The following SESN1 variants were observed in gnomAD, a reference collection of about 807,000 sequenced individuals.
The protein encoded by SESN1 is sestrin 1.
SESN1 carries 30 observed loss-of-function variants against 59.3 expected under a neutral mutation model. The ratio of observed to expected loss-of-function variants is 0.51; its 90% CI spans 0.38 to 0.69. SESN1 has a LOEUF of 0.69. SESN1 is among the 30% of genes least tolerant of loss of function. SESN1 has a pLI of 0.00. For missense variants in SESN1, 566 were observed against 673.0 expected (o/e 0.84, Z 1.76); for synonymous variants, 197 against 219.9 (o/e 0.90, Z 0.92).
intron 9 of SESN1, 36 bp from the exon 10 acceptor site, chr6:108,987,666 T>C: frequency 8.7e-7 from 1 of 1,152,310 alleles, no homozygotes; most frequent in African/African-American, 1.5e-5. Context: ...AAGGAAGGGT[T>C]ACAAGCATTC....
In SESN1 at chr6:109,090,904, G is replaced by C. The variant is rs557079186; in HGVS notation, c.279+2891C>G. Among the ~76,000 whole-genome samples the C allele has an allele frequency of 3.2e-3, 487 of 152,192 alleles. 3 individuals are homozygous for C. The highest frequency in any genetic ancestry group is 4.4e-3 in the Non-Finnish European group (302 of 68,002). ...CCTGCCTTAGCCTCCTGAATAGCTG[G>C]TACTACAGGTGTGCTCCACTGCACC... On this transcript the variant is annotated intron_variant, in intron 1 of 9. Transcript: ENST00000436639.
chr6:108,994,437 T>C, intron 6 of SESN1, 25 bp downstream of exon 6: 1 of 1,565,576 alleles, frequency 6.4e-7, no homozygotes. Context: ...AATAATTATA[T>C]TGACTATATA....
chr6:108,996,462 T>C (rs547984245), intron 5 of SESN1, among the ~76,000 whole-genome samples: 1 of 152,322 alleles, frequency 6.6e-6, no homozygotes, highest in South Asian at 2.1e-4. Context: ...AAAAGATCTC[T>C]GTCAACTCAC....
At chr6:109,054,189 T>G (rs1241565311) in intron 1 of SESN1, among the ~76,000 whole-genome samples, 1 of 152,134 alleles carries the variant, frequency 6.6e-6, no homozygotes, top group African/African-American at 2.4e-5. Context: ...CAAATTTACT[T>G]AAATATAGAA....
At chr6:109,052,550 T>C (rs1200155691) in intron 1 of SESN1, among the ~76,000 whole-genome samples, 1 of 152,222 alleles carries the variant, frequency 6.6e-6, no homozygotes, top group Non-Finnish European at 1.5e-5. Flanking sequence ...CTTAAAGTTT[T>C]AATATAATCC....
At position 108,987,576 on chromosome 6, in the gene SESN1, C is replaced by G; in HGVS notation, c.1624G>C (p.Ala542Pro). 6.2e-7 allele frequency: 1 copy of G among 1,605,696 alleles called. No homozygotes were observed. The highest frequency in any genetic ancestry group is 8.5e-7 in the Non-Finnish European group (1 of 1,173,108). The part of the protein sequence containing the change: ...EARMQAELLY[A>P]LRAITRYMT The stretch of plus-strand genomic sequence containing the variant: ...ATATAGCGGGTAATGGCTCTCAGAG[C>G]ATAAAGGAGTTCTGCTTGCATCCTA... The change falls in exon 10 of 10, where the codon GCT (alanine) becomes CCT (proline). Residue 542 changes from alanine to proline, a missense_variant. Ala to Pro is a conservative substitution (Grantham distance 27, BLOSUM62 -1). Transcript: ENST00000436639.
intron 1 of SESN1, among the ~76,000 whole-genome samples, chr6:109,032,164 C>G (rs1033253221): frequency 6.6e-6 from 1 of 151,878 alleles, no homozygotes; most frequent in Non-Finnish European, 1.5e-5. Flanking sequence ...CCCAGCTATT[C>G]GGGAGGTTGA....
chr6:109,038,854 G>A (rs1202537963), intron 1 of SESN1, among the ~76,000 whole-genome samples: 3 of 150,724 alleles, frequency 2.0e-5, no homozygotes, highest in Admixed American at 1.3e-4. Context: ...AAAAAGAAGA[G>A]CAAGAGGAGG....
chr6:109,093,400 C>G (rs1781372749), intron 1 of SESN1, among the ~76,000 whole-genome samples: 1 of 151,922 alleles, frequency 6.6e-6, no homozygotes, highest in African/African-American at 2.4e-5. Context: ...GAAAATTGTT[C>G]CACCAATTAT....
chr6:109,018,183 ATT>A (rs1177174039), intron 1 of SESN1, among the ~76,000 whole-genome samples: 5 of 152,206 alleles, frequency 3.3e-5, no homozygotes, highest in African/African-American at 4.8e-5. Flanking sequence ...CTTTAGAGAT[ATT>A]ATAAAATATT....
Position 108,998,589 on chromosome 6 carries a change from T to A in SESN1, c.896A>T (p.Asn299Ile), listed in dbSNP as rs1310807543. The change falls in exon 5 of 10, where the codon AAC becomes ATC. Residue 299 changes from asparagine to isoleucine, a missense_variant. Coordinates refer to ENST00000436639, the MANE Select transcript of SESN1 (RefSeq NM_014454.3). The stretch of plus-strand genomic sequence containing the variant: ...ATTTGTAATGTCACAGATGCAGTAG[T>A]TGCTAACAGAAGGAGGTCTGAATGT... ...GHTFRPPSVS[N>I]YCICDITNGN... 4 of 1,613,940 alleles carry A rather than the reference T, an allele frequency of 2.5e-6. No individual in the cohort carries two copies. The highest frequency in any genetic ancestry group is 1.7e-5 in the Admixed American group (1 of 60,024).
chr6:109,094,437 A>G lies in SESN1; in HGVS notation c.-364T>C, dbSNP rs1562481368. On this transcript the variant is annotated 5_prime_UTR_variant, in exon 1 of 10. Coordinates refer to ENST00000436639, the MANE Select transcript of SESN1 (RefSeq NM_014454.3). ...AGCTGTCAAATCCGTGCTCTGCCCCAAAAGGCTGTTAACAGCTGAACGCCC... is the reference window on the plus strand; with the variant it reads ...AGCTGTCAAATCCGTGCTCTGCCCCGAAAGGCTGTTAACAGCTGAACGCCC... 4.2e-6 allele frequency: 1 copy of G among 239,490 alleles called. No homozygotes were observed. Among genetic ancestry groups the G allele is most frequent in the Non-Finnish European group, 8.2e-6 (1 of 121,884 alleles). 14.8% of individuals were successfully genotyped at this position (239,490 alleles called of 1,614,324 possible).
chr6:109,083,350 G>C (rs1766614401), intron 1 of SESN1, among the ~76,000 whole-genome samples: 1 of 152,140 alleles, frequency 6.6e-6, no homozygotes, highest in Non-Finnish European at 1.5e-5. Flanking sequence ...AGTTTCTTTT[G>C]TTTTTTAAAG....
chr6:109,058,720 T>C (rs1780679029), intron 1 of SESN1, among the ~76,000 whole-genome samples: 1 of 152,142 alleles, frequency 6.6e-6, no homozygotes, highest in Admixed American at 6.6e-5. Context: ...ATAGAAGCAA[T>C]GCAGCCCCAG....
intron 1 of SESN1, chr6:109,009,576 A>T: frequency 9.1e-7 from 1 of 1,094,910 alleles, no homozygotes; most frequent in Non-Finnish European, 1.1e-6. Flanking sequence ...GGCGGCGCCG[A>T]CAAACAAGCC....
intron 1 of SESN1, among the ~76,000 whole-genome samples, chr6:109,065,015 T>C (rs938427523): frequency 6.6e-6 from 1 of 152,174 alleles, no homozygotes; most frequent in East Asian, 1.9e-4. Flanking sequence ...TCATCAAGTA[T>C]GTAACATAGG....
intron 4 of SESN1, 88 bp downstream of exon 4, chr6:109,000,403 T>C (rs1779590646): frequency 9.8e-7 from 1 of 1,018,988 alleles, no homozygotes; most frequent in African/African-American, 1.6e-5. Flanking sequence ...AGGAACTCTC[T>C]GTACTTTCTG....
At chr6:109,084,390 A>G (rs1781176224) in intron 1 of SESN1, among the ~76,000 whole-genome samples, 1 of 152,102 alleles carries the variant, frequency 6.6e-6, no homozygotes, top group Non-Finnish European at 1.5e-5. Context: ...GTGAAACCCC[A>G]TCTCTACTAA....
Position 109,067,919 on chromosome 6 carries a change from A to G in SESN1, c.279+25876T>C, listed in dbSNP as rs112558378. Reference sequence around the variant, plus strand: ...TTACGGTACTCTTACTGTTTGGTTTATGATAGAGAGGCACTAACAAATTGG... The same window carrying G: ...TTACGGTACTCTTACTGTTTGGTTTGTGATAGAGAGGCACTAACAAATTGG... On this transcript the variant is annotated intron_variant, in intron 1 of 9. Transcript: ENST00000436639. Among the ~76,000 whole-genome samples, 736 of 152,318 alleles carry G rather than the reference A, an allele frequency of 4.8e-3. 5 individuals carry two copies. The highest frequency in any genetic ancestry group is 8.5e-3 in the Non-Finnish European group (578 of 68,030).
Sources: gnomAD v4.1 joint callset for allele counts (sites outside exome capture counted in the v4.1 genomes callset) on GRCh38, gnomAD v4.1.1 for gene constraint, MANE v1.5 for transcripts, NCBI Gene and HGNC (gene_info 2026-07-23, HGNC 2026-07-21) for gene names.